TAF4B: variants seen among roughly 807,000 people sequenced by gnomAD.
TAF4B encodes the protein TATA-box binding protein associated factor 4b.
Under a neutral mutation model 86.4 loss-of-function variants are expected in TAF4B, and 38 were observed. That is an observed-to-expected ratio of 0.44 (90% confidence interval 0.34 to 0.58). TAF4B has a LOEUF of 0.58. TAF4B is among the 20% of genes least tolerant of loss of function. The probability of loss-of-function intolerance (pLI) is 0.02; values close to 1 mark genes in which losing one functional copy is unlikely to be tolerated. For missense variants in TAF4B, 988 were observed against 1,027.6 expected (o/e 0.96, Z 0.53); for synonymous variants, 388 against 391.2 (o/e 0.99, Z 0.10).
At chr18:26,285,472 C>A (rs1329207116) in intron 6 of TAF4B, among the ~76,000 whole-genome samples, 1 of 151,922 alleles carries the variant, frequency 6.6e-6, no homozygotes. Flanking sequence ...CAGGCATGAG[C>A]CACTGCACCT....
At chr18:26,345,288 CACCAGACATGTCTTTAG>C (rs997600872) in intron 13 of TAF4B, among the ~76,000 whole-genome samples, 17 of 152,204 alleles carry the variant, frequency 1.1e-4, no homozygotes, top group Non-Finnish European at 1.8e-4. Context: ...AAGCCATCCT[CACCAGACATGTCTTTAG>C]ACCAGTCAGG....
Position 26,390,986 on chromosome 18 carries a change from C to T in TAF4B, c.*974C>T, listed in dbSNP as rs1451332586. ...AATCCCAAGGATAGTTTTTATAGTT[C>T]CTTCTGTCATAATATATTTTAGTTA... is the stretch of plus-strand genomic sequence containing the variant. On this transcript the variant is annotated 3_prime_UTR_variant, in exon 15 of 15. Transcript: ENST00000269142. 3.3e-5 allele frequency: 5 copies of T among 152,064 alleles called. No homozygotes were observed. The highest frequency in any genetic ancestry group is 1.2e-4 in the African/African-American group (5 of 41,404). The allele number at this position is 152,064 out of a possible 1,614,324, so 9.4% of individuals were successfully genotyped here. A position where few individuals can be genotyped will look rare whatever the true frequency, so the allele number is the denominator to read the frequency against.
chr18:26,274,396 CAG>C (rs2056357451), intron 3 of TAF4B, among the ~76,000 whole-genome samples: 1 of 152,054 alleles, frequency 6.6e-6, no homozygotes, highest in African/African-American at 2.4e-5. Flanking sequence ...CCTATTTTTG[CAG>C]AGAGTAATCA....
chr18:26,388,979 T>C (rs1458135622), intron 14 of TAF4B, among the ~76,000 whole-genome samples: 1 of 152,052 alleles, frequency 6.6e-6, no homozygotes, highest in Admixed American at 6.5e-5. Flanking sequence ...ACCCAGCTAA[T>C]TTTTTTATTT....
At chr18:26,252,079 GT>G (rs1270795291) in intron 1 of TAF4B, among the ~76,000 whole-genome samples, 1 of 152,108 alleles carries the variant, frequency 6.6e-6, no homozygotes, top group African/African-American at 2.4e-5. Context: ...TGGGTCTGAG[GT>G]TTACCCATCC....
intron 12 of TAF4B, among the ~76,000 whole-genome samples, chr18:26,332,744 G>T (rs1281874345): frequency 6.6e-6 from 1 of 152,072 alleles, no homozygotes; most frequent in Admixed American, 6.5e-5. Context: ...TGGCCAGGGT[G>T]GTCTCGAACT....
intron 9 of TAF4B, among the ~76,000 whole-genome samples, chr18:26,300,515 CTTTAA>C (rs1444008121): frequency 9.0e-6 from 1 of 111,236 alleles, no homozygotes; most frequent in African/African-American, 3.5e-5. Flanking sequence ...AGTTTCCTTT[CTTTAA>C]TTTATTGGTA....
intron 14 of TAF4B, among the ~76,000 whole-genome samples, chr18:26,359,357 C>T (rs2057313479): frequency 6.6e-6 from 1 of 152,038 alleles, no homozygotes; most frequent in African/African-American, 2.4e-5. Flanking sequence ...AATGTAAGTA[C>T]AGGCAAAATT....
chr18:26,274,864 G>C, intron 4 of TAF4B, 40 bp downstream of exon 4: 1 of 1,612,960 alleles, frequency 6.2e-7, no homozygotes. Flanking sequence ...CTTGTTCCTT[G>C]CAAGTTCTTT....
At chr18:26,361,653 G>T (rs184670010) in intron 14 of TAF4B, among the ~76,000 whole-genome samples, 141 of 150,158 alleles carry the variant, frequency 9.4e-4, no homozygotes, top group African/African-American at 3.0e-3. Flanking sequence ...GTTGAGGCAG[G>T]AGAATCACTT....
chr18:26,352,232 A>G (rs1342784743), intron 13 of TAF4B, among the ~76,000 whole-genome samples: 1 of 152,096 alleles, frequency 6.6e-6, no homozygotes, highest in Admixed American at 6.5e-5. Flanking sequence ...GACTCTCAGG[A>G]TGGATTAAAA....
chr18:26,256,502 C>G, intron 1 of TAF4B: 4 of 606,206 alleles, frequency 6.6e-6, no homozygotes, highest in Non-Finnish European at 1.2e-5. Context: ...TTTCTATTCT[C>G]TATTTGCCCC....
chr18:26,292,763 T>C (rs773651178), intron 8 of TAF4B, among the ~76,000 whole-genome samples: 2 of 152,108 alleles, frequency 1.3e-5, no homozygotes, highest in Non-Finnish European at 2.9e-5. Context: ...CCTCAAGTGG[T>C]CAATCCACCC....
At chr18:26,255,854 T>C (rs902826274) in intron 1 of TAF4B, 6 of 1,336,710 alleles carry the variant, frequency 4.5e-6, no homozygotes, top group Non-Finnish European at 6.5e-6. Context: ...ATGTCTTCTG[T>C]CTTTTCTAGT....
chr18:26,261,405 T>G (rs2056165545), intron 1 of TAF4B, among the ~76,000 whole-genome samples: 1 of 152,028 alleles, frequency 6.6e-6, no homozygotes, highest in Admixed American at 6.6e-5. Flanking sequence ...TTTCACCGTT[T>G]TAGCCGGGAT....
chr18:26,359,712 T>G (rs1300519378), intron 14 of TAF4B, among the ~76,000 whole-genome samples: 1 of 152,142 alleles, frequency 6.6e-6, no homozygotes, highest in Non-Finnish European at 1.5e-5. Context: ...TTTAATTTTA[T>G]TTATTTACCT....
intron 1 of TAF4B, among the ~76,000 whole-genome samples, chr18:26,258,589 C>G (rs965015195): frequency 6.6e-6 from 1 of 152,114 alleles, no homozygotes; most frequent in Non-Finnish European, 1.5e-5. Flanking sequence ...GTTTTTTCCA[C>G]GTGAATTTGA....
intron 1 of TAF4B, among the ~76,000 whole-genome samples, chr18:26,242,171 T>C (rs534620869): frequency 1.4e-3 from 213 of 152,344 alleles, no homozygotes; most frequent in African/African-American, 4.1e-3. Context: ...ATCTGTCTAA[T>C]GTTGACAGTG....
intron 1 of TAF4B, among the ~76,000 whole-genome samples, chr18:26,261,391 G>A (rs538145578): frequency 6.1e-4 from 92 of 151,610 alleles, no homozygotes; most frequent in African/African-American, 2.0e-3. Context: ...TAGTAGAGAC[G>A]GGGTTTCACC....
Sources: gnomAD v4.1 joint callset for allele counts (sites outside exome capture counted in the v4.1 genomes callset) on GRCh38, gnomAD v4.1.1 for gene constraint, MANE v1.5 for transcripts, NCBI Gene and HGNC (gene_info 2026-07-23, HGNC 2026-07-21) for gene names.